ATAD5: variants seen among roughly 807,000 people sequenced by gnomAD.
ATAD5 encodes the protein ATPase family AAA domain-containing protein 5.
ATAD5 carries 58 observed loss-of-function variants against 176.9 expected under a neutral mutation model. That is an observed-to-expected ratio of 0.33 (90% CI 0.27 to 0.41). The LOEUF (loss-of-function observed/expected upper bound fraction) is 0.41, where lower values mean the gene tolerates loss of function less well. Ranked by LOEUF, ATAD5 falls within the 10% of genes least tolerant of loss-of-function variation. The pLI is 1.00. For missense variants in ATAD5, 1,789 were observed against 2,094.1 expected, an observed-to-expected ratio of 0.85 and a Z score of 2.84; for synonymous variants, 640 against 712.6, an observed-to-expected ratio of 0.90 and a Z score of 1.62.
chr17:30,860,216 G>T (rs922383208), intron 9 of ATAD5, among the ~76,000 whole-genome samples: 4 of 152,098 alleles, frequency 2.6e-5, no homozygotes, highest in African/African-American at 9.7e-5. Context: ...TAGAGATGGA[G>T]TTTCCCCATG....
chr17:30,846,075 T>G (rs1368708963), intron 6 of ATAD5, among the ~76,000 whole-genome samples: 2 of 152,232 alleles, frequency 1.3e-5, no homozygotes, highest in African/African-American at 4.8e-5. Flanking sequence ...GTGCATCTTA[T>G]CAAGAAATAA....
Position 30,876,468 on chromosome 17 carries a change from C to T in ATAD5, c.3702C>T (p.Pro1234=). Residue 1234 remains proline, a synonymous_variant, in exon 15 of 23, where the codon CCC becomes CCT. Coordinates refer to ENST00000321990, the MANE Select transcript of ATAD5 (RefSeq NM_024857.5). ...GTGGACCAAAGCGAGCACTTCCTCC[C>T]AAAACCTTGGCAAATTATTTTAAAG... The part of the protein sequence containing the change: ...KSSGPKRALP[P]KTLANYFKVS... The T allele has an allele frequency of 1.2e-6, 2 of 1,609,190 alleles. No individual in the cohort carries two copies. Among genetic ancestry groups the T allele is most frequent in the South Asian group, 1.1e-5 (1 of 90,508 alleles).
chr17:30,848,353 G>A lies in ATAD5; in HGVS notation c.2450+3437G>A, dbSNP rs543932257. The stretch of plus-strand genomic sequence containing the variant: ...CGTGACCTCCAAGGGTCAGGTGATC[G>A]TCCCTCCCACCTCAGCCTCCCAAGT... On this transcript the variant is annotated intron_variant, in intron 6 of 22. Transcript: ENST00000321990. 2.1e-3 allele frequency among the ~76,000 whole-genome samples: 314 copies of A among 151,650 alleles called. 1 individual carries two copies. The highest frequency in any genetic ancestry group is 6.9e-3 in the African/African-American group (285 of 41,334).
At position 30,879,388 on chromosome 17, in the gene ATAD5, G is replaced by T. The variant is rs540835443; in HGVS notation, c.4013-35G>T. On this transcript the variant is annotated intron_variant, in intron 17 of 22. Coordinates refer to ENST00000321990, the MANE Select transcript of ATAD5 (RefSeq NM_024857.5). The stretch of plus-strand genomic sequence containing the variant: ...GTTATTTATTGGTCTTAGTGTTTAA[G>T]AATTTTTTTTTTTTGTGTGTGTGTG... The T allele has an allele frequency of 3.0e-5, 46 of 1,559,316 alleles. No homozygotes were observed. In the South Asian group the frequency reaches 4.5e-4, roughly 15 times the overall value.
intron 18 of ATAD5, among the ~76,000 whole-genome samples, chr17:30,881,858 G>A (rs1358510236): frequency 2.0e-5 from 3 of 151,942 alleles, no homozygotes; most frequent in Non-Finnish European, 4.4e-5. Context: ...AGGTTGCAGT[G>A]AGCCAAGATC....
At position 30,869,255 on chromosome 17, in the gene ATAD5, G is replaced by A. The variant is rs746833424; in HGVS notation, c.3321G>A (p.Ser1107=). 3.1e-5 allele frequency: 50 copies of A among 1,596,574 alleles called. No homozygotes were observed. The highest frequency in any genetic ancestry group is 1.7e-4 in the Admixed American group (9 of 53,236). The part of the protein sequence containing the change: ...GKRDEKHEDF[S]GGIDFKGSSD... ...ATTTGAATAATTTTTCAGATTTCTC[G>A]GGTGGCATAGACTTTAAAGGCAGTT... Residue 1107 remains serine (S), a synonymous_variant, in exon 13 of 23, where the codon TCG becomes TCA. Coordinates refer to ENST00000321990, the MANE Select transcript of ATAD5 (RefSeq NM_024857.5).
At position 30,834,251 on chromosome 17, in the gene ATAD5, C is replaced by A. The variant is rs1905560294; in HGVS notation, c.170C>A (p.Pro57Gln). The part of the protein sequence containing the change: ...GKTRDRVFAP[P>Q]KPSNILDYFR... ...ACTAGAGACAGGGTTTTTGCTCCAC[C>A]AAAACCTAGTAATATTCTGGATTAT... The change falls in exon 2 of 23, where the codon CCA (proline) becomes CAA (glutamine). Residue 57 changes from proline (P) to glutamine (Q), a missense_variant. Transcript: ENST00000321990. 6 of 1,612,802 alleles carry A rather than the reference C, an allele frequency of 3.7e-6. No homozygotes were observed. In the South Asian group the frequency reaches 6.6e-5, roughly 18 times the overall value.
In ATAD5 at chr17:30,876,677, TG is replaced by T. The variant is rs1430885405; in HGVS notation, c.3784+128del. The stretch of plus-strand genomic sequence containing the variant: ...TCTCAGCTACACTGAAGGTTCTACA[TG>T]TAGAAGTGTTAATATTTTGTTTCCT... On this transcript the variant is annotated intron_variant, in intron 15 of 22. Transcript: ENST00000321990. The T allele has an allele frequency of 3.6e-5, 16 of 440,972 alleles. No homozygotes were observed. The East Asian group carries it at 6.1e-4, about 17-fold the overall frequency. The allele number at this position is 440,972 out of a possible 1,614,324, so 27.3% of individuals were successfully genotyped here.
At chr17:30,883,623 T>C (rs1176133024) in intron 18 of ATAD5, among the ~76,000 whole-genome samples, 2 of 151,866 alleles carry the variant, frequency 1.3e-5, no homozygotes, top group South Asian at 2.1e-4. Flanking sequence ...ACTGGCTCAC[T>C]GCAAGCTCCA....
rs899641135 is a variant in ATAD5, at chr17:30,877,971, T to A, written c.3919-32T>A. 22 of 1,390,628 alleles carry A rather than the reference T, an allele frequency of 1.6e-5. 1 individual carries two copies. In the Admixed American group the frequency reaches 3.8e-4, roughly 24 times the overall value. 86.1% of individuals were successfully genotyped at this position (1,390,628 alleles called of 1,614,324 possible). A position where few individuals can be genotyped will look rare whatever the true frequency, so the allele number is the denominator to read the frequency against. On this transcript the variant is annotated intron_variant, in intron 16 of 22. Coordinates refer to ENST00000321990, the MANE Select transcript of ATAD5 (RefSeq NM_024857.5). ...TATACATAACTGATATTAGTAAGTG[T>A]ATTAATATATTAATATTCTAATAAA...
chr17:30,879,371 T>G, intron 17 of ATAD5, 52 bp from the exon 18 acceptor site: 3 of 1,572,408 alleles, frequency 1.9e-6, no homozygotes, highest in Non-Finnish European at 2.6e-6. Context: ...AAGTTATTTA[T>G]TGGTCTTAGT....
At chr17:30,882,222 C>T (rs1555560389) in intron 18 of ATAD5, among the ~76,000 whole-genome samples, 1 of 151,580 alleles carries the variant, frequency 6.6e-6, no homozygotes, top group Non-Finnish European at 1.5e-5. Context: ...CGCCATTGCA[C>T]TCCAGCCTGG....
intron 14 of ATAD5, among the ~76,000 whole-genome samples, chr17:30,875,840 T>G (rs1442855018): frequency 1.3e-5 from 2 of 150,636 alleles, no homozygotes; most frequent in African/African-American, 4.9e-5. Flanking sequence ...GAGTGTCTTT[T>G]CTAAATGACT....
chr17:30,876,289 T>C (rs1318381150), intron 14 of ATAD5, 85 bp from the exon 15 acceptor site: 5 of 1,214,274 alleles, frequency 4.1e-6, no homozygotes, highest in Non-Finnish European at 4.5e-6. Flanking sequence ...CTGTTAAGAG[T>C]AGAAATACAG....
chr17:30,867,439 T>C (rs1908065737), intron 11 of ATAD5, among the ~76,000 whole-genome samples: 1 of 152,088 alleles, frequency 6.6e-6, no homozygotes, highest in African/African-American at 2.4e-5. Flanking sequence ...CCTCATCTCA[T>C]AGATGAAGAA....
Position 30,834,544 on chromosome 17 carries a change from A to G in ATAD5, c.463A>G (p.Ser155Gly), listed in dbSNP as rs1905586547. Residue 155 changes from serine to glycine, a missense_variant, in exon 2 of 23, where the codon AGT (serine) becomes GGT (glycine). Ser to Gly is a moderately conservative substitution (Grantham distance 56, BLOSUM62 0). This residue lies in a region of ATAD5 where 696 missense variants were observed against 712.5 expected (regional missense o/e 0.98). Coordinates refer to ENST00000321990, the MANE Select transcript of ATAD5 (RefSeq NM_024857.5). ...YSLNNDFVES[S>G]TSVLRYKKQV... ...TTTAAATAATGATTTTGTGGAAAGTAGTACTTCTGTTTTACGTTACAAGAA... is the reference window on the plus strand; with the variant it reads ...TTTAAATAATGATTTTGTGGAAAGTGGTACTTCTGTTTTACGTTACAAGAA... 6.3e-7 allele frequency: 1 copy of G among 1,597,000 alleles called. No homozygotes were observed. The highest frequency in any genetic ancestry group is 8.5e-7 in the Non-Finnish European group (1 of 1,176,046).
intron 19 of ATAD5, among the ~76,000 whole-genome samples, chr17:30,891,145 C>T (rs1211355848): frequency 6.6e-6 from 1 of 152,104 alleles, no homozygotes; most frequent in African/African-American, 2.4e-5. Context: ...GGTGTATATA[C>T]TTTACATTTT....
chr17:30,867,164 C>G (rs1908048624), intron 11 of ATAD5, among the ~76,000 whole-genome samples: 1 of 151,032 alleles, frequency 6.6e-6, no homozygotes, highest in African/African-American at 2.4e-5. Flanking sequence ...CTTTCGTAAG[C>G]TGAGGCAGAA....
intron 8 of ATAD5, among the ~76,000 whole-genome samples, chr17:30,857,742 A>ATTTTT (rs56075512): frequency 0.013 from 1,807 of 138,296 alleles, 32 homozygotes; most frequent in Non-Finnish European, 0.022. Context: ...GACTAAAGCT[A>ATTTTT]TTTTTTTTTT....
Sources: gnomAD v4.1 joint callset for allele counts (sites outside exome capture counted in the v4.1 genomes callset) on GRCh38, gnomAD v4.1.1 for gene constraint, gnomAD v4.1.1 regional missense constraint, MANE v1.5 for transcripts, NCBI Gene and HGNC (gene_info 2026-07-23, HGNC 2026-07-21) for gene names.